DENND5A: variants seen among roughly 807,000 people sequenced by gnomAD.
DENND5A encodes the protein DENN domain containing 5A.
Under a neutral mutation model 140.3 loss-of-function variants are expected in DENND5A, and 64 were observed. That is an observed-to-expected ratio of 0.46 (90% CI 0.37 to 0.56). The LOEUF (loss-of-function observed/expected upper bound fraction) is 0.56, where lower values mean the gene tolerates loss of function less well. Among genes scored for constraint, DENND5A ranks in the 20% least tolerant of loss-of-function variants. The probability of loss-of-function intolerance (pLI) is 0.00; values close to 1 mark genes in which losing one functional copy is unlikely to be tolerated. For synonymous variants in DENND5A, 605 were observed against 607.7 expected (o/e 1.00, Z 0.07); for missense variants, 1,292 against 1,593.8 (o/e 0.81, Z 3.22).
chr11:9,236,257 C>T (rs1342093780), intron 1 of DENND5A, among the ~76,000 whole-genome samples: 1 of 148,970 alleles, frequency 6.7e-6, no homozygotes, highest in African/African-American at 2.5e-5. Flanking sequence ...GTTCGCTGGG[C>T]GCAGTGGCTC....
chr11:9,212,123 A>T (rs1849904925), intron 1 of DENND5A, among the ~76,000 whole-genome samples: 1 of 151,798 alleles, frequency 6.6e-6, no homozygotes, highest in Admixed American at 6.6e-5. Context: ...GGTAGCTCAC[A>T]CTTATAACCT....
intron 1 of DENND5A, among the ~76,000 whole-genome samples, chr11:9,215,016 C>T (rs1173403949): frequency 1.3e-5 from 2 of 152,152 alleles, no homozygotes; most frequent in East Asian, 1.9e-4. Flanking sequence ...CATGAGTCAC[C>T]GCACCAGCCC....
chr11:9,198,419 T>C (rs1479715020), intron 4 of DENND5A, among the ~76,000 whole-genome samples: 1 of 151,810 alleles, frequency 6.6e-6, no homozygotes, highest in African/African-American at 2.4e-5. Context: ...GAGACCATCC[T>C]GGCCAACATG....
intron 5 of DENND5A, among the ~76,000 whole-genome samples, chr11:9,193,157 G>A (rs12799338): frequency 0.021 from 3,200 of 152,332 alleles, 48 homozygotes; most frequent in Middle Eastern, 0.044. Flanking sequence ...GAGCCCAGGA[G>A]TTCAAGGCTA....
In DENND5A at chr11:9,229,899, C is replaced by CTTT. The variant is rs71062816; in HGVS notation, c.110-22270_110-22268dup. 9.8e-3 allele frequency among the ~76,000 whole-genome samples: 638 copies of CTTT among 64,864 alleles called. 11 individuals carry two copies. The highest frequency in any genetic ancestry group is 0.013 in the East Asian group (24 of 1,824). The allele number at this position is 64,864 out of a possible 152,430, so 42.6% of individuals were successfully genotyped here. A position where few individuals can be genotyped will look rare whatever the true frequency, so the allele number is the denominator to read the frequency against. On this transcript the variant is annotated intron_variant, in intron 1 of 22. Transcript: ENST00000328194. ...TCTTCATTTCTGAAAGCTCCCATTTCTTTTTTTTTTTTTTTTTTTTTTTTT... is the reference window on the plus strand; with the variant it reads ...TCTTCATTTCTGAAAGCTCCCATTTCTTTTTTTTTTTTTTTTTTTTTTTTTTTT...
chr11:9,183,553 T>C (rs931008851), intron 5 of DENND5A, among the ~76,000 whole-genome samples: 2 of 151,856 alleles, frequency 1.3e-5, no homozygotes, highest in South Asian at 2.1e-4. Context: ...GCTTGGACTA[T>C]AGGCACACAA....
rs189662104 is a variant in DENND5A at position 9,191,966 on chromosome 11, C to T, written c.1137+1528G>A. 3.3e-5 allele frequency among the ~76,000 whole-genome samples: 5 copies of T among 152,256 alleles called. No homozygotes were observed. In the East Asian group the frequency reaches 9.6e-4, roughly 29 times the overall value. ...TTATGTATGGTACAGTAAGCAAGTACACAAAAAACCCCAATATTATCTCAA... is the reference window on the plus strand; with the variant it reads ...TTATGTATGGTACAGTAAGCAAGTATACAAAAAACCCCAATATTATCTCAA... On this transcript the variant is annotated intron_variant, in intron 5 of 22. Coordinates refer to ENST00000328194, the MANE Select transcript of DENND5A (RefSeq NM_015213.4).
chr11:9,256,197 T>A (rs1285687780), intron 1 of DENND5A, among the ~76,000 whole-genome samples: 1 of 152,006 alleles, frequency 6.6e-6, no homozygotes, highest in Non-Finnish European at 1.5e-5. Flanking sequence ...CACGGTGGCT[T>A]GTGCCTGTAA....
intron 12 of DENND5A, among the ~76,000 whole-genome samples, chr11:9,156,802 G>T (rs1223645585): frequency 1.3e-5 from 2 of 150,968 alleles, no homozygotes; most frequent in Admixed American, 1.3e-4. Flanking sequence ...ACTCTCGAAG[G>T]AAAGAGAGAA....
At position 9,142,008 on chromosome 11, in the gene DENND5A, T is replaced by A; in HGVS notation, c.3612A>T (p.Ala1204=). Residue 1204 remains alanine (A), a synonymous_variant, in exon 22 of 23, where the codon GCA becomes GCT. Coordinates refer to ENST00000328194, the MANE Select transcript of DENND5A (RefSeq NM_015213.4). Reference sequence around the variant, plus strand: ...CGATGTTCCGGGGAGTATTGTTGATTGCAGTGACAAATCGGCAGAAGTTCC... The same window carrying A: ...CGATGTTCCGGGGAGTATTGTTGATAGCAGTGACAAATCGGCAGAAGTTCC... ...RARNFCRFVT[A]INNTPRNIGK... The A allele has an allele frequency of 6.2e-7, 1 of 1,607,350 alleles. No individual in the cohort carries two copies. The highest frequency in any genetic ancestry group is 1.1e-5 in the South Asian group (1 of 89,062).
intron 22 of DENND5A, among the ~76,000 whole-genome samples, chr11:9,141,392 T>G (rs1183808771): frequency 1.3e-5 from 2 of 152,224 alleles, no homozygotes; most frequent in African/African-American, 4.8e-5. Flanking sequence ...GGATACAGTC[T>G]GAGAAATGTG....
intron 4 of DENND5A, among the ~76,000 whole-genome samples, chr11:9,194,831 T>C (rs1179766037): frequency 7.3e-5 from 11 of 151,294 alleles, no homozygotes; most frequent in Non-Finnish European, 1.5e-4. Context: ...GTGATTCTCC[T>C]GCCTCAGCCT....
At chr11:9,237,185 G>C (rs1285050878) in intron 1 of DENND5A, among the ~76,000 whole-genome samples, 1 of 152,256 alleles carries the variant, frequency 6.6e-6, no homozygotes, top group East Asian at 1.9e-4. Flanking sequence ...GGGAGGAAGA[G>C]ATGGGCAGAT....
intron 12 of DENND5A, among the ~76,000 whole-genome samples, chr11:9,154,388 T>C (rs1479250513): frequency 1.3e-5 from 2 of 152,184 alleles, no homozygotes; most frequent in Non-Finnish European, 2.9e-5. Context: ...TCTGAAAAGA[T>C]CATTTAACTT....
chr11:9,145,049 T>G lies in DENND5A; in HGVS notation c.3068A>C (p.Lys1023Thr), dbSNP rs372389104. 1 of 1,614,132 alleles carries G rather than the reference T, an allele frequency of 6.2e-7. No individual in the cohort carries two copies. Residue 1023 changes from lysine (K) to threonine (T), a missense_variant, in exon 18 of 23, where the codon AAA (lysine) becomes ACA (threonine). By Grantham distance (78) the Lys-to-Thr change is moderately conservative. Transcript: ENST00000328194. Reference protein sequence around the residue: ...IGHDNSGLYAKWLVEYVMVRN... With the variant: ...IGHDNSGLYATWLVEYVMVRN... Reference sequence around the variant, plus strand: ...GACCATCACATACTCCACCAGCCATTTGGCATACAGCCCAGAGTTATCATG... The same window carrying G: ...GACCATCACATACTCCACCAGCCATGTGGCATACAGCCCAGAGTTATCATG...
chr11:9,165,090 C>T (rs1204905801), intron 11 of DENND5A, among the ~76,000 whole-genome samples: 1 of 152,144 alleles, frequency 6.6e-6, no homozygotes, highest in Non-Finnish European at 1.5e-5. Context: ...ACCTCCGCCT[C>T]CCGGGTTCAA....
At chr11:9,158,669 T>C (rs1847885924) in intron 12 of DENND5A, among the ~76,000 whole-genome samples, 1 of 152,184 alleles carries the variant, frequency 6.6e-6, no homozygotes, top group Admixed American at 6.5e-5. Context: ...GTGGAAATCA[T>C]ACTTCAAACC....
intron 1 of DENND5A, among the ~76,000 whole-genome samples, chr11:9,209,213 T>C (rs1438479574): frequency 6.6e-6 from 1 of 152,168 alleles, no homozygotes; most frequent in African/African-American, 2.4e-5. Flanking sequence ...AAAGACGCCT[T>C]CCTAAAATGG....
At chr11:9,234,012 T>G (rs575652406) in intron 1 of DENND5A, among the ~76,000 whole-genome samples, 15 of 151,944 alleles carry the variant, frequency 9.9e-5, no homozygotes, top group Non-Finnish European at 2.1e-4. Flanking sequence ...ACCCCGTCTC[T>G]ACTAAAAATA....
Sources: allele counts gnomAD v4.1 joint callset (sites outside exome capture counted in the v4.1 genomes callset), GRCh38; gene constraint gnomAD v4.1.1; transcripts MANE v1.5; gene names NCBI Gene and HGNC (gene_info 2026-07-23, HGNC 2026-07-21).